The following GBP6 variants were observed in gnomAD, a reference collection of about 807,000 sequenced individuals.
GBP6 encodes the protein guanylate-binding protein 6.
GBP6 carries 54 observed loss-of-function variants against 61.5 expected under a neutral mutation model. That is an observed-to-expected ratio of 0.88 (90% confidence interval 0.71 to 1.10). The LOEUF (loss-of-function observed/expected upper bound fraction) is 1.10, where lower values mean the gene tolerates loss of function less well. GBP6 is among the 50% of genes least tolerant of loss of function. The pLI is 0.00. For synonymous variants in GBP6, 255 were observed against 273.7 expected, an observed-to-expected ratio of 0.93 and a Z score of 0.67; for missense variants, 748 against 752.8, an observed-to-expected ratio of 0.99 and a Z score of 0.07.
rs753641283 is a variant in GBP6 at position 89,380,371 on chromosome 1, T to C, written c.626-15T>C. On this transcript the variant is annotated splice_polypyrimidine_tract_variant and intron_variant, in intron 5 of 10. Transcript: ENST00000370456. ...ACTGTTTTCACTATATTCTCTGTTT[T>C]TTTTTATCCCTCAGGCAATAATCCC... 5 of 1,611,014 alleles carry C rather than the reference T, an allele frequency of 3.1e-6. No homozygotes were observed. In the African/African-American group the frequency reaches 6.7e-5, roughly 22 times the overall value.
Position 89,382,976 on chromosome 1 carries a change from C to G in GBP6, c.1365+100C>G, listed in dbSNP as rs371076563. The G allele has an allele frequency of 8.6e-6, 6 of 696,058 alleles. 1 individual carries two copies. The highest frequency in any genetic ancestry group is 5.5e-5 in the Admixed American group (2 of 36,604). 43.1% of individuals were successfully genotyped at this position (696,058 alleles called of 1,614,324 possible). ...AAGAGAGCAGAGGGATAGCATAACGCCTTAGCTTTCAATGTCCACTAATTA... is the reference window on the plus strand; with the variant it reads ...AAGAGAGCAGAGGGATAGCATAACGGCTTAGCTTTCAATGTCCACTAATTA... On this transcript the variant is annotated intron_variant, in intron 8 of 10. Transcript: ENST00000370456.
intron 2 of GBP6, among the ~76,000 whole-genome samples, 189 bp downstream of exon 2, chr1:89,368,930 A>C (rs1010019816): frequency 6.6e-6 from 1 of 152,090 alleles, no homozygotes; most frequent in Non-Finnish European, 1.5e-5. Flanking sequence ...CCTCATTCCC[A>C]TTAAGGAAAC....
At position 89,365,498 on chromosome 1, in the gene GBP6, G is replaced by A. The variant is rs184950778; in HGVS notation, c.-24+1371G>A. ...TCAGTGAAGAATCAGACAAGAGCAG[G>A]TTGTACAGCAACAGCGTGCTTGAAC... is the stretch of plus-strand genomic sequence containing the variant. On this transcript the variant is annotated intron_variant, in intron 1 of 10. Coordinates refer to ENST00000370456, the MANE Select transcript of GBP6 (RefSeq NM_198460.3). Among the ~76,000 whole-genome samples, 4 of 152,328 alleles carry A rather than the reference G, an allele frequency of 2.6e-5. No homozygotes were observed. In the East Asian group the frequency reaches 7.7e-4, roughly 29 times the overall value.
intron 3 of GBP6, among the ~76,000 whole-genome samples, chr1:89,375,896 T>C (rs966188537): frequency 3.3e-5 from 5 of 152,250 alleles, no homozygotes; most frequent in South Asian, 2.1e-4. Context: ...ATCTTTTTTT[T>C]CCCCTTCTAT....
intron 3 of GBP6, among the ~76,000 whole-genome samples, chr1:89,372,316 T>C (rs1188297695): frequency 2.0e-5 from 3 of 152,182 alleles, no homozygotes; most frequent in Non-Finnish European, 4.4e-5. Flanking sequence ...AAAACTACTT[T>C]AAAGTTCATA....
At chr1:89,384,390 A>G in intron 10 of GBP6, 104 bp downstream of exon 10, 1 of 870,522 alleles carries the variant, frequency 1.1e-6, no homozygotes, top group Non-Finnish European at 1.7e-6. Flanking sequence ...GCACATCACC[A>G]TTTGCTGCTT....
rs1652935341 is a variant in GBP6 at position 89,380,400 on chromosome 1, G to T, written c.640G>T (p.Val214Phe). 1 of 1,613,520 alleles carries T rather than the reference G, an allele frequency of 6.2e-7. No individual in the cohort carries two copies. The highest frequency in any genetic ancestry group is 8.5e-7 in the Non-Finnish European group (1 of 1,179,626). ...LKLIQGNNPR[V>F]QTSNFPRECI... The stretch of plus-strand genomic sequence containing the variant: ...TTATCCCTCAGGCAATAATCCCAGA[G>T]TTCAAACATCCAATTTTCCCAGGGA... The change falls in exon 6 of 11, where the codon GTT becomes TTT. Residue 214 changes from valine (V) to phenylalanine (F), a missense_variant. By Grantham distance (50) the Val-to-Phe change is conservative. Coordinates refer to ENST00000370456, the MANE Select transcript of GBP6 (RefSeq NM_198460.3).
At chr1:89,376,151 T>C (rs1040102010) in intron 3 of GBP6, among the ~76,000 whole-genome samples, 10 of 152,244 alleles carry the variant, frequency 6.6e-5, no homozygotes, top group Non-Finnish European at 1.0e-4. Context: ...GAAGGCTTAA[T>C]AGTATTTCAT....
chr1:89,365,612 T>G (rs1557535223), intron 1 of GBP6, among the ~76,000 whole-genome samples: 1 of 152,264 alleles, frequency 6.6e-6, no homozygotes, highest in African/African-American at 2.4e-5. Flanking sequence ...ATATATAATC[T>G]AATGGACCAA....
rs1203134640 is a variant in GBP6 at position 89,382,694 on chromosome 1, T to C, written c.1183T>C (p.Leu395=). 1 of 1,614,050 alleles carries C rather than the reference T, an allele frequency of 6.2e-7. No homozygotes were observed. The highest frequency in any genetic ancestry group is 8.5e-7 in the Non-Finnish European group (1 of 1,180,002). ...CACAATGAATAAGAAGGGGGATTTC[T>C]TGCTGCAGAATGAAGAGTCATCTGT... ...ETTMNKKGDF[L]LQNEESSVQY... is the part of the protein sequence containing the mutation. Residue 395 remains leucine, a synonymous_variant, in exon 8 of 11, where the codon TTG becomes CTG. Transcript: ENST00000370456.
At chr1:89,375,828 C>T (rs949838217) in intron 3 of GBP6, among the ~76,000 whole-genome samples, 1 of 152,140 alleles carries the variant, frequency 6.6e-6, no homozygotes, top group Non-Finnish European at 1.5e-5. Flanking sequence ...AACATCATTG[C>T]CCAAACCAAT....
chr1:89,382,620 C>G (rs773312485), intron 7 of GBP6, 44 bp from the exon 8 acceptor site: 1 of 1,506,452 alleles, frequency 6.6e-7, no homozygotes, highest in South Asian at 1.1e-5. Flanking sequence ...ATTTCATCTC[C>G]TCCATGTTTC....
At chr1:89,369,219 T>G (rs1652551072) in intron 2 of GBP6, among the ~76,000 whole-genome samples, 1 of 152,220 alleles carries the variant, frequency 6.6e-6, no homozygotes, top group Admixed American at 6.5e-5. Context: ...AGTTTTTTCC[T>G]TCTCGTGTCT....
chr1:89,375,952 T>G (rs992270523), intron 3 of GBP6, among the ~76,000 whole-genome samples: 1 of 152,182 alleles, frequency 6.6e-6, no homozygotes, highest in Non-Finnish European at 1.5e-5. Context: ...CCAACCTTCC[T>G]GTTCCCCTCT....
Position 89,388,112 on chromosome 1 carries a change from A to G in GBP6, c.*2643A>G, listed in dbSNP as rs1251825863. On this transcript the variant is annotated 3_prime_UTR_variant, in exon 11 of 11. Transcript: ENST00000370456. ...CAGACAAACCTATGACCTCACACAA[A>G]TCTGTAACTTCATGTATCACAGTCT... is the stretch of plus-strand genomic sequence containing the variant. Among the ~76,000 whole-genome samples the G allele has an allele frequency of 2.6e-5, 4 of 152,132 alleles. No homozygotes were observed. Among genetic ancestry groups the G allele is most frequent in the Non-Finnish European group, 4.4e-5 (3 of 68,006 alleles).
At position 89,380,432 on chromosome 1, in the gene GBP6, C is replaced by T. The variant is rs570355058; in HGVS notation, c.672C>T (p.Ile224=). 1 of 1,613,758 alleles carries T rather than the reference C, an allele frequency of 6.2e-7. No individual in the cohort carries two copies. The highest frequency in any genetic ancestry group is 1.3e-5 in the African/African-American group (1 of 75,006). ...CATCCAATTTTCCCAGGGAGTGCAT[C>T]AGGCGTTTCTTTCCAAAACGGAAGT... is the stretch of plus-strand genomic sequence containing the variant. The part of the protein sequence containing the change: ...VQTSNFPREC[I]RRFFPKRKCF... The change falls in exon 6 of 11, where the codon ATC becomes ATT. Residue 224 remains isoleucine, a synonymous_variant. Transcript: ENST00000370456.
At chr1:89,365,628 A>G (rs1463788485) in intron 1 of GBP6, among the ~76,000 whole-genome samples, 1 of 152,224 alleles carries the variant, frequency 6.6e-6, no homozygotes, top group Non-Finnish European at 1.5e-5. Flanking sequence ...ACCAATTGTT[A>G]TTGTAATTAT....
At chr1:89,367,230 A>C (rs1169001576) in intron 1 of GBP6, among the ~76,000 whole-genome samples, 1 of 152,224 alleles carries the variant, frequency 6.6e-6, no homozygotes, top group Non-Finnish European at 1.5e-5. Context: ...AGGGACCATC[A>C]TACTGTTTTC....
chr1:89,379,197 G>A (rs1232185581), intron 5 of GBP6, among the ~76,000 whole-genome samples: 1 of 152,132 alleles, frequency 6.6e-6, no homozygotes. Context: ...GTGTCACATG[G>A]TGAGAAAGGG....
Sources: allele counts gnomAD v4.1 joint callset (sites outside exome capture counted in the v4.1 genomes callset), GRCh38; gene constraint gnomAD v4.1.1; transcripts MANE v1.5; gene names NCBI Gene and HGNC (gene_info 2026-07-23, HGNC 2026-07-21).